CYP2C18: variants seen among roughly 807,000 people sequenced by gnomAD.
CYP2C18 encodes cytochrome P450 2C18.
A neutral mutation model predicts 41.3 loss-of-function variants in CYP2C18; 38 were observed. The ratio of observed to expected loss-of-function variants is 0.92; its 90% CI spans 0.71 to 1.21. The LOEUF (loss-of-function observed/expected upper bound fraction) is 1.21, where lower values mean the gene tolerates loss of function less well. Ranked by LOEUF, CYP2C18 falls within the 50% of genes most tolerant of loss-of-function variation. CYP2C18 has a pLI of 0.00. For synonymous variants in CYP2C18, 236 were observed against 210.0 expected, an observed-to-expected ratio of 1.12 and a Z score of -1.07; for missense variants, 635 against 591.4, an observed-to-expected ratio of 1.07 and a Z score of -0.77.
At chr10:94,706,681 G>A in intron 4 of CYP2C18, 103 bp from the exon 5 acceptor site, 1 of 625,670 alleles carries the variant, frequency 1.6e-6, no homozygotes, top group Admixed American at 3.0e-5. Flanking sequence ...TACAGAGGGA[G>A]ATAATTTTTA....
intron 3 of CYP2C18, among the ~76,000 whole-genome samples, chr10:94,693,023 G>T (rs565907550): frequency 6.6e-6 from 1 of 151,666 alleles, no homozygotes; most frequent in African/African-American, 2.4e-5. Context: ...TGGGGTGGGG[G>T]AAGGGGGGAG....
chr10:94,685,024 TTTAATTAA>T lies in CYP2C18; in HGVS notation c.168+1059_168+1066del, dbSNP rs113927077. Among the ~76,000 whole-genome samples, 70 of 149,582 alleles carry T rather than the reference TTTAATTAA, an allele frequency of 4.7e-4. 1 individual carries two copies. Among genetic ancestry groups the T allele is most frequent in the African/African-American group, 1.5e-3 (62 of 40,020 alleles). ...AATGTCTACTCAAATCCTTTGCCCA[TTTAATTAA>T]TTAATTAATTAATTAATTAATAGAG... On this transcript the variant is annotated intron_variant, in intron 1 of 8. Coordinates refer to ENST00000285979, the MANE Select transcript of CYP2C18 (RefSeq NM_000772.3).
At chr10:94,707,693 C>T (rs1016270635) in intron 5 of CYP2C18, among the ~76,000 whole-genome samples, 4 of 152,132 alleles carry the variant, frequency 2.6e-5, no homozygotes, top group Non-Finnish European at 4.4e-5. Flanking sequence ...TGAAGTTCAG[C>T]TTGCTGAAAG....
At position 94,692,921 on chromosome 10, in the gene CYP2C18, C is replaced by T. The variant is rs117180769; in HGVS notation, c.482-1996C>T. Among the ~76,000 whole-genome samples the T allele has an allele frequency of 2.6e-3, 393 of 150,992 alleles. 13 individuals carry two copies. In the East Asian group the frequency reaches 0.061, roughly 23 times the overall value. On this transcript the variant is annotated intron_variant, in intron 3 of 8. Coordinates refer to ENST00000285979, the MANE Select transcript of CYP2C18 (RefSeq NM_000772.3). ...TCATTCTGAGCAAACTATCGCAAGA[C>T]CAAACATCACATGTTCTCACTCATA... is the stretch of plus-strand genomic sequence containing the variant.
intron 3 of CYP2C18, among the ~76,000 whole-genome samples, chr10:94,692,734 C>A (rs559545940): frequency 2.0e-5 from 3 of 152,108 alleles, no homozygotes; most frequent in Non-Finnish European, 4.4e-5. Context: ...ATGTTTATTG[C>A]GGCACTATTC....
chr10:94,729,229 C>T (rs1847791550), intron 7 of CYP2C18, among the ~76,000 whole-genome samples: 1 of 152,028 alleles, frequency 6.6e-6, no homozygotes, highest in South Asian at 2.1e-4. Flanking sequence ...AATGGCTGCT[C>T]AATAAGAATT....
At chr10:94,734,505 TGA>T (rs1847886204) in intron 8 of CYP2C18, among the ~76,000 whole-genome samples, 1 of 152,088 alleles carries the variant, frequency 6.6e-6, no homozygotes, top group East Asian at 1.9e-4. Context: ...CTAGAGAGGG[TGA>T]GTTTCTATTG....
chr10:94,684,039 C>A, intron 1 of CYP2C18, 52 bp downstream of exon 1: 1 of 1,304,878 alleles, frequency 7.7e-7, no homozygotes, highest in Non-Finnish European at 1.0e-6. Context: ...TTTAACCTCA[C>A]AATTCTTAAA....
chr10:94,698,092 G>A (rs1461029601), intron 4 of CYP2C18, among the ~76,000 whole-genome samples: 1 of 152,114 alleles, frequency 6.6e-6, no homozygotes, highest in Non-Finnish European at 1.5e-5. Flanking sequence ...GGTTAACAAG[G>A]ATATCCAGGA....
chr10:94,733,058 G>C (rs74152349), intron 7 of CYP2C18, among the ~76,000 whole-genome samples: 3 of 152,076 alleles, frequency 2.0e-5, no homozygotes, highest in Non-Finnish European at 4.4e-5. Context: ...GGCTGCCCCC[G>C]AGTACTCAAA....
At chr10:94,694,032 A>G (rs1050647750) in intron 3 of CYP2C18, among the ~76,000 whole-genome samples, 16 of 152,176 alleles carry the variant, frequency 1.1e-4, no homozygotes, top group African/African-American at 3.6e-4. Context: ...AATTACCTAA[A>G]TGATGATCAA....
At chr10:94,710,338 T>C (rs1388533783) in intron 5 of CYP2C18, among the ~76,000 whole-genome samples, 1 of 152,200 alleles carries the variant, frequency 6.6e-6, no homozygotes, top group Non-Finnish European at 1.5e-5. Context: ...TTTCCCAAGA[T>C]TGTTTTGGTT....
chr10:94,729,426 G>T (rs1212917469), intron 7 of CYP2C18, among the ~76,000 whole-genome samples: 1 of 152,094 alleles, frequency 6.6e-6, no homozygotes. Context: ...CTTCCTAACA[G>T]CTCCAACAGG....
intron 4 of CYP2C18, among the ~76,000 whole-genome samples, chr10:94,703,016 G>T (rs1288573461): frequency 6.6e-6 from 1 of 152,180 alleles, no homozygotes; most frequent in Non-Finnish European, 1.5e-5. Context: ...GCTGGAGTTT[G>T]CTGGGGGTCC....
intron 5 of CYP2C18, among the ~76,000 whole-genome samples, chr10:94,708,223 G>A (rs1045166635): frequency 6.6e-6 from 1 of 152,130 alleles, no homozygotes; most frequent in Non-Finnish European, 1.5e-5. Context: ...ATGGAGTGAA[G>A]TGAAGAAGAT....
In CYP2C18 at chr10:94,724,456, T is replaced by C. The variant is rs889028721; in HGVS notation, c.1072T>C (p.Tyr358His). Residue 358 changes from tyrosine to histidine, a missense_variant, in exon 7 of 9, where the codon TAC becomes CAC. Physicochemically the swap from Tyr to His is moderately conservative, Grantham distance 83. Transcript: ENST00000285979. The stretch of plus-strand genomic sequence containing the variant: ...TGCTGTGGTGCACGAGATCCAGAGA[T>C]ACATTGACCTCCTCCCCACCAACCT... ...TDAVVHEIQR[Y>H]IDLLPTNLPH... 15 of 1,613,516 alleles carry C rather than the reference T, an allele frequency of 9.3e-6. No homozygotes were observed. The Admixed American group carries it at 1.0e-4, about 11-fold the overall frequency.
chr10:94,733,036 C>T (rs914607860), intron 7 of CYP2C18, among the ~76,000 whole-genome samples: 6 of 151,474 alleles, frequency 4.0e-5, no homozygotes, highest in Admixed American at 1.3e-4. Context: ...GATGATAAAC[C>T]GGGATTCAGA....
At chr10:94,731,816 A>G (rs1431333344) in intron 7 of CYP2C18, among the ~76,000 whole-genome samples, 1 of 152,206 alleles carries the variant, frequency 6.6e-6, no homozygotes, top group Non-Finnish European at 1.5e-5. Context: ...ATATGCACTC[A>G]AGATGGATTA....
intron 6 of CYP2C18, among the ~76,000 whole-genome samples, chr10:94,722,292 T>C (rs749626942): frequency 2.6e-5 from 4 of 152,174 alleles, no homozygotes; most frequent in Non-Finnish European, 5.9e-5. Context: ...AATAGTTTTA[T>C]CTTTTACAAG....
Sources: gnomAD v4.1 joint callset for allele counts (sites outside exome capture counted in the v4.1 genomes callset) on GRCh38, gnomAD v4.1.1 for gene constraint, MANE v1.5 for transcripts, NCBI Gene and HGNC (gene_info 2026-07-23, HGNC 2026-07-21) for gene names.